Variants in GABRB2 observed in about 807,000 individuals in gnomAD.
GABRB2 encodes the protein gamma-aminobutyric acid receptor subunit beta-2.
In GABRB2, 16 loss-of-function variants were observed where a neutral mutation model predicts 54.7. That is an observed-to-expected ratio of 0.29 (90% confidence interval 0.20 to 0.44). The LOEUF is 0.44. Ranked by LOEUF, GABRB2 falls within the 20% of genes least tolerant of loss-of-function variation. GABRB2 has a pLI of 1.00. For missense variants in GABRB2, 355 were observed against 644.0 expected (o/e 0.55, Z 4.86); for synonymous variants, 244 against 233.8 (o/e 1.04, Z -0.40).
chr5:161,430,356 T>C (rs971584799), intron 4 of GABRB2, among the ~76,000 whole-genome samples: 2 of 152,206 alleles, frequency 1.3e-5, no homozygotes, highest in East Asian at 3.8e-4. Flanking sequence ...ATCACAGCCT[T>C]AAATAATGTA....
intron 3 of GABRB2, among the ~76,000 whole-genome samples, chr5:161,495,176 T>C (rs1161603793): frequency 1.3e-5 from 2 of 151,986 alleles, no homozygotes; most frequent in African/African-American, 4.8e-5. Context: ...ATTCCATTTC[T>C]ATATGGTAAA....
chr5:161,517,403 A>G (rs1759981336), intron 3 of GABRB2, among the ~76,000 whole-genome samples: 1 of 152,330 alleles, frequency 6.6e-6, no homozygotes, highest in East Asian at 1.9e-4. Context: ...CTAGATTATA[A>G]GGGTTAGCTT....
chr5:161,511,296 G>T (rs1444455338), intron 3 of GABRB2, among the ~76,000 whole-genome samples: 3 of 151,820 alleles, frequency 2.0e-5, no homozygotes, highest in Admixed American at 6.6e-5. Flanking sequence ...TCTAAAAGTT[G>T]ACCTTTAAAT....
intron 4 of GABRB2, among the ~76,000 whole-genome samples, chr5:161,417,175 A>G (rs139489171): frequency 9.7e-4 from 148 of 152,310 alleles, no homozygotes; most frequent in Non-Finnish European, 1.5e-3. Context: ...TCTTACTTAT[A>G]TTTCCCTTAT....
In GABRB2 at chr5:161,336,665, T is replaced by C; in HGVS notation, c.646A>G (p.Lys216Glu). The part of the protein sequence containing the change: ...ELPQFSIVDY[K>E]LITKKVVFST... ...AAAACAACCTTCTTGGTGATAAGTT[T>C]GTAATCTACAATAGAGAACTGTGGA... The change falls in exon 6 of 10, where the codon AAA (lysine) becomes GAA (glutamate). Residue 216 changes from lysine (K) to glutamate (E), a missense_variant. Transcript: ENST00000393959. 1 of 1,613,570 alleles carries C rather than the reference T, an allele frequency of 6.2e-7. No homozygotes were observed. Among genetic ancestry groups the C allele is most frequent in the Non-Finnish European group, 8.5e-7 (1 of 1,179,674 alleles).
intron 9 of GABRB2, among the ~76,000 whole-genome samples, chr5:161,322,809 G>C (rs1191823765): frequency 6.6e-6 from 1 of 151,902 alleles, no homozygotes; most frequent in African/African-American, 2.4e-5. Flanking sequence ...TACTGTTTTA[G>C]ATTGGTTTGT....
At chr5:161,324,406 C>T (rs1758304703) in intron 9 of GABRB2, among the ~76,000 whole-genome samples, 1 of 152,114 alleles carries the variant, frequency 6.6e-6, no homozygotes, top group Non-Finnish European at 1.5e-5. Context: ...AGAATAATTA[C>T]AACTATTATT....
intron 5 of GABRB2, among the ~76,000 whole-genome samples, chr5:161,380,996 C>CA: frequency 6.6e-6 from 1 of 152,184 alleles, no homozygotes; most frequent in Admixed American, 6.5e-5. Flanking sequence ...AGCTTCAGAA[C>CA]AAAAAACATG....
intron 9 of GABRB2, among the ~76,000 whole-genome samples, chr5:161,299,556 G>A (rs1165083995): frequency 9.9e-5 from 15 of 152,090 alleles, no homozygotes; most frequent in Non-Finnish European, 1.3e-4. Flanking sequence ...TCTATATCTG[G>A]ACATATCTGA....
intron 3 of GABRB2, among the ~76,000 whole-genome samples, chr5:161,524,983 T>C (rs1760230595): frequency 6.6e-6 from 1 of 151,422 alleles, no homozygotes; most frequent in African/African-American, 2.4e-5. Context: ...CTTTCATTTC[T>C]TGTTTATATA....
At chr5:161,498,438 C>T (rs185304746) in intron 3 of GABRB2, among the ~76,000 whole-genome samples, 5 of 152,062 alleles carry the variant, frequency 3.3e-5, no homozygotes, top group Admixed American at 1.3e-4. Flanking sequence ...GAAATGACCC[C>T]GTATTTTGGT....
intron 3 of GABRB2, among the ~76,000 whole-genome samples, chr5:161,509,443 TGAG>T (rs1469323586): frequency 5.2e-4 from 79 of 152,084 alleles, no homozygotes; most frequent in African/African-American, 1.8e-3. Flanking sequence ...ATTTTCTGCA[TGAG>T]GAAAATCAGT....
intron 4 of GABRB2, among the ~76,000 whole-genome samples, chr5:161,441,444 A>G (rs977393547): frequency 4.6e-5 from 7 of 152,204 alleles, no homozygotes; most frequent in Non-Finnish European, 1.5e-5. Context: ...TATCCAAAAG[A>G]CAAGCAATAA....
chr5:161,431,376 A>G (rs1757166664), intron 4 of GABRB2, among the ~76,000 whole-genome samples: 1 of 152,212 alleles, frequency 6.6e-6, no homozygotes, highest in Non-Finnish European at 1.5e-5. Context: ...GAAAGACAAG[A>G]AAGAATGAAG....
intron 6 of GABRB2, 69 bp from the exon 7 acceptor site, chr5:161,334,973 C>T: frequency 6.9e-7 from 1 of 1,450,298 alleles, no homozygotes; most frequent in South Asian, 1.2e-5. Flanking sequence ...TTTAAAGGTG[C>T]ATAAACAGTA....
At chr5:161,532,411 C>T (rs1760489781) in intron 3 of GABRB2, among the ~76,000 whole-genome samples, 1 of 152,100 alleles carries the variant, frequency 6.6e-6, no homozygotes, top group Non-Finnish European at 1.5e-5. Context: ...TATAAAACTA[C>T]TATTCCTAAA....
intron 3 of GABRB2, among the ~76,000 whole-genome samples, chr5:161,538,639 C>T (rs566544930): frequency 1.3e-5 from 2 of 152,066 alleles, no homozygotes; most frequent in African/African-American, 4.8e-5. Flanking sequence ...GCCTGGGCAA[C>T]GTGGTGAAAC....
chr5:161,487,403 T>C (rs972352914), intron 3 of GABRB2, among the ~76,000 whole-genome samples: 2 of 151,936 alleles, frequency 1.3e-5, no homozygotes, highest in South Asian at 2.1e-4. Context: ...CACACTCTTA[T>C]TGAATGCTTC....
At chr5:161,507,419 T>C (rs1759639163) in intron 3 of GABRB2, among the ~76,000 whole-genome samples, 1 of 152,066 alleles carries the variant, frequency 6.6e-6, no homozygotes, top group African/African-American at 2.4e-5. Flanking sequence ...GTGAAGGTTA[T>C]TTGGGAACTT....
Sources: gnomAD v4.1 joint callset for allele counts (sites outside exome capture counted in the v4.1 genomes callset) on GRCh38, gnomAD v4.1.1 for gene constraint, MANE v1.5 for transcripts, NCBI Gene and HGNC (gene_info 2026-07-23, HGNC 2026-07-21) for gene names.